The following LARP4 variants were observed in gnomAD, a reference collection of about 807,000 sequenced individuals.
LARP4 encodes la-related protein 4.
In LARP4, 29 loss-of-function variants were observed where a neutral mutation model predicts 92.9. That is an observed-to-expected ratio of 0.31 (90% confidence interval 0.23 to 0.43). LARP4 has a LOEUF of 0.43. LARP4 is among the 20% of genes least tolerant of loss of function. The pLI, the probability that LARP4 is intolerant of heterozygous loss-of-function variation, is 1.00. For synonymous variants in LARP4, 279 were observed against 284.1 expected (o/e 0.98, Z 0.18); for missense variants, 732 against 860.0 (o/e 0.85, Z 1.86).
chr12:50,409,609 CA>C (rs1395997871), intron 1 of LARP4, among the ~76,000 whole-genome samples: 2 of 151,230 alleles, frequency 1.3e-5, no homozygotes, highest in Non-Finnish European at 3.0e-5. Context: ...AAAAAATATA[CA>C]AAAAAAATTA....
chr12:50,421,705 G>A (rs2136805152), intron 1 of LARP4, among the ~76,000 whole-genome samples: 1 of 151,426 alleles, frequency 6.6e-6, no homozygotes, highest in East Asian at 1.9e-4. Context: ...TGTAAGTGGG[G>A]AGAACACCAA....
At chr12:50,446,300 C>T (rs545346676) in intron 8 of LARP4, among the ~76,000 whole-genome samples, 16 of 128,154 alleles carry the variant, frequency 1.2e-4, no homozygotes, top group African/African-American at 3.8e-4. Flanking sequence ...GCCACCGCGC[C>T]TGACCAATTG....
At chr12:50,452,431 C>T (rs1394332184) in intron 8 of LARP4, among the ~76,000 whole-genome samples, 1 of 152,186 alleles carries the variant, frequency 6.6e-6, no homozygotes, top group Non-Finnish European at 1.5e-5. Context: ...CTTTGCCCGC[C>T]TCAACCTCTC....
intron 14 of LARP4, among the ~76,000 whole-genome samples, 170 bp from the exon 15 acceptor site, chr12:50,473,829 G>A (rs1957229190): frequency 9.8e-6 from 1 of 101,674 alleles, no homozygotes; most frequent in South Asian, 3.7e-4. Context: ...GGGGTGGGGG[G>A]TGCGGGGCGG....
chr12:50,456,614 T>C (rs1202257718), intron 10 of LARP4, among the ~76,000 whole-genome samples: 3 of 152,194 alleles, frequency 2.0e-5, no homozygotes, highest in Non-Finnish European at 2.9e-5. Context: ...AGAATAGGAC[T>C]AACTTTCAGA....
At chr12:50,457,481 A>G (rs1954528302) in intron 10 of LARP4, among the ~76,000 whole-genome samples, 1 of 152,102 alleles carries the variant, frequency 6.6e-6, no homozygotes, top group Admixed American at 6.6e-5. Flanking sequence ...TGCTGGCATT[A>G]TAGGTGTGAG....
chr12:50,437,842 A>T lies in LARP4; in HGVS notation c.639+4A>T, dbSNP rs1055755273. On this transcript the variant is annotated splice_donor_region_variant and intron_variant, in intron 6 of 15. Coordinates refer to ENST00000398473, the MANE Select transcript of LARP4 (RefSeq NM_052879.5). Reference sequence around the variant, plus strand: ...TCCTGAAACAACACCAATAGAGGTAAATTATTAATAATTGTTAACACTAAA... The same window carrying T: ...TCCTGAAACAACACCAATAGAGGTATATTATTAATAATTGTTAACACTAAA... 2 of 1,460,326 alleles carry T rather than the reference A, an allele frequency of 1.4e-6. No homozygotes were observed. Among genetic ancestry groups the T allele is most frequent in the Non-Finnish European group, 1.9e-6 (2 of 1,045,576 alleles). The allele number at this position is 1,460,326 out of a possible 1,614,324, so 90.5% of individuals were successfully genotyped here. A position where few individuals can be genotyped will look rare whatever the true frequency, so the allele number is the denominator to read the frequency against.
At chr12:50,431,742 A>T (rs1402506941) in intron 4 of LARP4, among the ~76,000 whole-genome samples, 1 of 152,142 alleles carries the variant, frequency 6.6e-6, no homozygotes, top group African/African-American at 2.4e-5. Flanking sequence ...GCTACTCGGG[A>T]GGTGGCAGCA....
chr12:50,473,976 AT>A (rs1199979566), intron 14 of LARP4, 22 bp from the exon 15 acceptor site: 1 of 1,603,528 alleles, frequency 6.2e-7, no homozygotes, highest in Non-Finnish European at 8.5e-7. Context: ...TCTGAGTCTA[AT>A]TGCAAGCTCT....
intron 13 of LARP4, among the ~76,000 whole-genome samples, chr12:50,469,436 C>G (rs553784412): frequency 1.3e-5 from 2 of 151,982 alleles, no homozygotes; most frequent in Non-Finnish European, 2.9e-5. Flanking sequence ...AACTCCGTCT[C>G]TACTAGAAAT....
chr12:50,469,647 A>C (rs986829741), intron 13 of LARP4, among the ~76,000 whole-genome samples: 7 of 148,780 alleles, frequency 4.7e-5, no homozygotes, highest in Admixed American at 6.8e-5. Context: ...ACAGTGGCTC[A>C]AGCCTGTAAT....
At chr12:50,462,209 A>T (rs1955495767) in intron 11 of LARP4, among the ~76,000 whole-genome samples, 1 of 152,110 alleles carries the variant, frequency 6.6e-6, no homozygotes, top group Admixed American at 6.5e-5. Context: ...CTGGCCAGGC[A>T]TGGTGGCTCA....
chr12:50,434,724 A>G (rs1026992401), intron 4 of LARP4, among the ~76,000 whole-genome samples: 7 of 151,776 alleles, frequency 4.6e-5, no homozygotes, highest in African/African-American at 1.7e-4. Flanking sequence ...GTATTTATAT[A>G]AGCATGTTTG....
intron 4 of LARP4, among the ~76,000 whole-genome samples, chr12:50,431,537 G>A (rs765513181): frequency 6.6e-6 from 1 of 152,200 alleles, no homozygotes; most frequent in East Asian, 1.9e-4. Context: ...AACATTTGGA[G>A]AAGTCTTATT....
intron 12 of LARP4, among the ~76,000 whole-genome samples, chr12:50,463,512 C>T (rs1955745180): frequency 6.6e-6 from 1 of 151,710 alleles, no homozygotes; most frequent in Non-Finnish European, 1.5e-5. Context: ...GCAGGCTGAT[C>T]CCTTGAGCCC....
chr12:50,430,265 G>C (rs1387160913), intron 3 of LARP4, among the ~76,000 whole-genome samples: 3 of 152,134 alleles, frequency 2.0e-5, no homozygotes, highest in Non-Finnish European at 2.9e-5. Flanking sequence ...TCAAGAAGCT[G>C]TGGTGGGAGG....
At chr12:50,437,935 T>TA in intron 6 of LARP4, 97 bp downstream of exon 6, 1 of 698,404 alleles carries the variant, frequency 1.4e-6, no homozygotes, top group Non-Finnish European at 2.4e-6. Flanking sequence ...TTGGAAGAGG[T>TA]ACACAAGCAA....
intron 12 of LARP4, among the ~76,000 whole-genome samples, chr12:50,463,471 G>T (rs904159911): frequency 6.9e-6 from 1 of 145,384 alleles, no homozygotes; most frequent in Non-Finnish European, 1.5e-5. Context: ...CATGGTGCAC[G>T]CCTGTTGTCC....
intron 13 of LARP4, 131 bp downstream of exon 13, chr12:50,467,251 ATACT>A (rs1042846659): frequency 2.2e-5 from 14 of 629,996 alleles, no homozygotes; most frequent in Non-Finnish European, 3.3e-5. Flanking sequence ...AGTTTTCAGC[ATACT>A]TAGAGTGTTT....
Sources: gnomAD v4.1 joint callset for allele counts (sites outside exome capture counted in the v4.1 genomes callset) on GRCh38, gnomAD v4.1.1 for gene constraint, MANE v1.5 for transcripts, NCBI Gene and HGNC (gene_info 2026-07-23, HGNC 2026-07-21) for gene names.